PCDHA3: variants seen among roughly 807,000 people sequenced by gnomAD.
PCDHA3 encodes the protein protocadherin alpha 3.
Under a neutral mutation model 62.2 loss-of-function variants are expected in PCDHA3, and 41 were observed. The ratio of observed to expected loss-of-function variants is 0.66; its 90% CI spans 0.51 to 0.86. The LOEUF (loss-of-function observed/expected upper bound fraction) is 0.86. Ranked by LOEUF, PCDHA3 falls within the 40% of genes least tolerant of loss-of-function variation. PCDHA3 has a pLI of 0.00. For synonymous variants in PCDHA3, 640 were observed against 555.4 expected (o/e 1.15, Z -2.14); for missense variants, 1,304 against 1,241.2 (o/e 1.05, Z -0.76).
rs2154002003 is a variant in PCDHA3, at chr5:141,010,389, G to GAC, written c.*453_*454dup. The stretch of plus-strand genomic sequence containing the variant: ...TATGCGAGTGCCAGATATTGGCTGA[G>GAC]ACGAGCCAGCTTAGACTAATTGGTA... On this transcript the variant is annotated 3_prime_UTR_variant, in exon 4 of 4. Coordinates refer to ENST00000522353, the MANE Select transcript of PCDHA3 (RefSeq NM_018906.3). 1.4e-6 allele frequency: 2 copies of GAC among 1,400,314 alleles called. No individual in the cohort carries two copies. The highest frequency in any genetic ancestry group is 5.0e-5 in the East Asian group (2 of 40,030). The allele number at this position is 1,400,314 out of a possible 1,614,324, so 86.7% of individuals were successfully genotyped here. A position where few individuals can be genotyped will look rare whatever the true frequency, so the allele number is the denominator to read the frequency against.
chr5:140,917,324 C>CGGGGGGG (rs1299895515), intron 1 of PCDHA3, among the ~76,000 whole-genome samples: 2 of 76,152 alleles, frequency 2.6e-5, no homozygotes, highest in African/African-American at 4.3e-5. Flanking sequence ...GTTCATGTGG[C>CGGGGGGG]GGGGGAGGGG....
chr5:140,871,484 A>G, intron 1 of PCDHA3: 1 of 1,592,270 alleles, frequency 6.3e-7, no homozygotes, highest in Non-Finnish European at 8.6e-7. Context: ...GGGTCAAATC[A>G]CCCCGGACAG....
rs1187038094 is a variant in PCDHA3, at chr5:140,802,942, C to T, written c.1745C>T (p.Pro582Leu). Residue 582 changes from proline (P) to leucine (L), a missense_variant, in exon 1 of 4, where the codon CCG becomes CTG. Physicochemically the swap from Pro to Leu is moderately conservative, Grantham distance 98. Coordinates refer to ENST00000522353, the MANE Select transcript of PCDHA3 (RefSeq NM_018906.3). ...GIGGAVSELV[P>L]RSVGAGHVVA... Reference sequence around the variant, plus strand: ...GGTGGCGCAGTGAGCGAGCTGGTGCCGCGGTCAGTGGGTGCGGGCCACGTG... The same window carrying T: ...GGTGGCGCAGTGAGCGAGCTGGTGCTGCGGTCAGTGGGTGCGGGCCACGTG... 9.9e-6 allele frequency: 16 copies of T among 1,613,842 alleles called. No homozygotes were observed. Among genetic ancestry groups the T allele is most frequent in the African/African-American group, 1.3e-5 (1 of 75,064 alleles).
At chr5:140,860,269 T>C (rs1278960733) in intron 1 of PCDHA3, 1 of 151,996 alleles carries the variant, frequency 6.6e-6, no homozygotes, top group South Asian at 2.1e-4. Flanking sequence ...ACTGTAGTGC[T>C]ACTTGGGAGG....
chr5:140,828,704 G>A (rs2150158084), intron 1 of PCDHA3: 1 of 1,614,238 alleles, frequency 6.2e-7, no homozygotes, highest in South Asian at 1.1e-5. Flanking sequence ...CAGAGAGGAA[G>A]CTCCTGCACA....
At chr5:140,856,020 G>A (rs782082828) in intron 1 of PCDHA3, 2 of 1,553,262 alleles carry the variant, frequency 1.3e-6, no homozygotes, top group African/African-American at 1.4e-5. Context: ...CCGCTGATTC[G>A]TCGATTTGTA....
At chr5:140,923,630 G>T (rs1278599561) in intron 1 of PCDHA3, among the ~76,000 whole-genome samples, 1 of 152,106 alleles carries the variant, frequency 6.6e-6, no homozygotes, top group Admixed American at 6.5e-5. Flanking sequence ...TATCCAAAAG[G>T]CAAAAATCTT....
intron 1 of PCDHA3, chr5:140,850,404 C>G: frequency 6.3e-7 from 1 of 1,597,970 alleles, no homozygotes; most frequent in Non-Finnish European, 8.6e-7. Context: ...AACGCGTGCC[C>G]TGGACGAAAC....
At chr5:140,831,520 CTT>C (rs2150195630) in intron 1 of PCDHA3, among the ~76,000 whole-genome samples, 29 of 122,402 alleles carry the variant, frequency 2.4e-4, no homozygotes, top group South Asian at 8.4e-4. Flanking sequence ...TGCCCCCCAC[CTT>C]TTTTTTTTTT....
chr5:140,991,149 C>T (rs2097435018), intron 3 of PCDHA3, among the ~76,000 whole-genome samples: 1 of 152,092 alleles, frequency 6.6e-6, no homozygotes, highest in South Asian at 2.1e-4. Flanking sequence ...GTTTTTTGCT[C>T]ACCATTGTAT....
chr5:140,808,420 T>G, intron 1 of PCDHA3: 1 of 1,614,142 alleles, frequency 6.2e-7, no homozygotes, highest in Non-Finnish European at 8.5e-7. Flanking sequence ...TGCTGGACAG[T>G]GCCCTGGACC....
intron 3 of PCDHA3, among the ~76,000 whole-genome samples, chr5:140,995,010 T>A (rs1382186138): frequency 6.6e-6 from 1 of 152,156 alleles, no homozygotes; most frequent in Non-Finnish European, 1.5e-5. Context: ...TTGTTTATAT[T>A]TAGGAAAGAA....
chr5:140,865,443 G>A (rs192930935), intron 1 of PCDHA3: 1 of 152,292 alleles, frequency 6.6e-6, no homozygotes, highest in East Asian at 1.9e-4. Context: ...TAACTTCTGA[G>A]AAGATGATTT....
In PCDHA3 at chr5:140,850,468, C is replaced by G. The variant is rs2150485398; in HGVS notation, c.2394+46877C>G. 1.3e-5 allele frequency: 20 copies of G among 1,597,798 alleles called. 4 individuals carry two copies. The highest frequency in any genetic ancestry group is 1.6e-5 in the Non-Finnish European group (19 of 1,167,656). On this transcript the variant is annotated intron_variant, in intron 1 of 3. Transcript: ENST00000522353. Reference sequence around the variant, plus strand: ...CTGGTGAAAGACCACGGGGAGCCAGCGCTGACGGCCACGGCCACTGTGCTG... The same window carrying G: ...CTGGTGAAAGACCACGGGGAGCCAGGGCTGACGGCCACGGCCACTGTGCTG...
chr5:141,007,654 C>G (rs1461130528), intron 3 of PCDHA3, among the ~76,000 whole-genome samples: 1 of 152,052 alleles, frequency 6.6e-6, no homozygotes, highest in Non-Finnish European at 1.5e-5. Flanking sequence ...CCTAAAAAAC[C>G]ATAAATTTAC....
intron 3 of PCDHA3, among the ~76,000 whole-genome samples, chr5:140,984,059 C>G (rs1269975627): frequency 6.6e-6 from 1 of 152,108 alleles, no homozygotes; most frequent in East Asian, 1.9e-4. Context: ...CAAATCTGTA[C>G]CCTCAGTGCC....
At chr5:140,961,113 C>T (rs2095591220) in intron 1 of PCDHA3, among the ~76,000 whole-genome samples, 1 of 152,190 alleles carries the variant, frequency 6.6e-6, no homozygotes, top group Non-Finnish European at 1.5e-5. Context: ...AACCCCCTTG[C>T]ATCTTAATGT....
intron 1 of PCDHA3, among the ~76,000 whole-genome samples, chr5:140,904,695 G>A (rs1276696069): frequency 2.0e-5 from 3 of 152,024 alleles, no homozygotes; most frequent in Admixed American, 2.0e-4. Flanking sequence ...GTGTAAAATT[G>A]TTCCCTTTTC....
intron 1 of PCDHA3, chr5:140,822,495 A>C (rs2150116798): frequency 6.2e-7 from 1 of 1,613,888 alleles, no homozygotes; most frequent in Non-Finnish European, 8.5e-7. Context: ...ACGCCCCAGA[A>C]TTTGATAAAT....
Sources: gnomAD v4.1 joint callset for allele counts (sites outside exome capture counted in the v4.1 genomes callset) on GRCh38, gnomAD v4.1.1 for gene constraint, MANE v1.5 for transcripts, NCBI Gene and HGNC (gene_info 2026-07-23, HGNC 2026-07-21) for gene names.